The following FGF10 variants were observed in gnomAD, a reference collection of about 807,000 sequenced individuals.
FGF10 encodes FGF-10.
Under a neutral mutation model 19.8 loss-of-function variants are expected in FGF10, and 2 were observed. The observed-to-expected ratio is 0.10, with a 90% CI of 0.04 to 0.32. The LOEUF (loss-of-function observed/expected upper bound fraction) is 0.32, where lower values mean the gene tolerates loss of function less well. Among genes scored for constraint, FGF10 ranks in the 10% least tolerant of loss-of-function variants. FGF10 has a pLI of 1.00. For missense variants in FGF10, 191 were observed against 246.3 expected (o/e 0.78, Z 1.50); for synonymous variants, 112 against 94.0 (o/e 1.19, Z -1.10).
Position 44,379,890 on chromosome 5 carries a change from C to T in FGF10, c.325+8468G>A, listed in dbSNP as rs372590075. Among the ~76,000 whole-genome samples, 7 of 152,176 alleles carry T rather than the reference C, an allele frequency of 4.6e-5. No individual in the cohort carries two copies. The East Asian group carries it at 1.2e-3, about 25-fold the overall frequency. On this transcript the variant is annotated intron_variant, in intron 1 of 2. Transcript: ENST00000264664. The stretch of plus-strand genomic sequence containing the variant: ...GCCTCTTCTCTTTTTCTACTTTTCC[C>T]TCTGGCTTCTAAAAAATTTCATTAT...
intron 1 of FGF10, among the ~76,000 whole-genome samples, chr5:44,376,503 A>AAAAC (rs1741862474): frequency 1.5e-5 from 2 of 132,162 alleles, no homozygotes; most frequent in Non-Finnish European, 3.1e-5. Flanking sequence ...AAAAAAAAAA[A>AAAAC]AAAAAAAAAA....
chr5:44,305,285 C>A, intron 2 of FGF10, 93 bp from the exon 3 acceptor site: 2 of 1,144,126 alleles, frequency 1.7e-6, no homozygotes, highest in Non-Finnish European at 1.3e-6. Flanking sequence ...TCCAAGGATT[C>A]TGTTTGTAGT....
chr5:44,306,542 A>T (rs2111672667), intron 2 of FGF10, among the ~76,000 whole-genome samples: 1 of 152,346 alleles, frequency 6.6e-6, no homozygotes, highest in African/African-American at 2.4e-5. Flanking sequence ...CCGTGGGCAT[A>T]GTTCAGTTGA....
At chr5:44,319,635 A>G (rs1479248624) in intron 1 of FGF10, among the ~76,000 whole-genome samples, 2 of 152,176 alleles carry the variant, frequency 1.3e-5, no homozygotes, top group Non-Finnish European at 1.5e-5. Context: ...ATAGAATAAT[A>G]CATAATTGGC....
At chr5:44,378,794 G>T (rs1285471215) in intron 1 of FGF10, among the ~76,000 whole-genome samples, 1 of 152,084 alleles carries the variant, frequency 6.6e-6, no homozygotes, top group African/African-American at 2.4e-5. Flanking sequence ...CTCAATTCCA[G>T]CATTGTTAAT....
chr5:44,372,131 G>C (rs1468851316), intron 1 of FGF10, among the ~76,000 whole-genome samples: 1 of 152,080 alleles, frequency 6.6e-6, no homozygotes, highest in African/African-American at 2.4e-5. Flanking sequence ...GTTTCCCTCG[G>C]CTGAAATTAA....
At chr5:44,386,400 C>T (rs1742097785) in intron 1 of FGF10, among the ~76,000 whole-genome samples, 1 of 152,034 alleles carries the variant, frequency 6.6e-6, no homozygotes, top group Non-Finnish European at 1.5e-5. Context: ...TGAGTTTTCT[C>T]CATGAAAAAT....
chr5:44,308,111 C>A (rs1561196076), intron 2 of FGF10, among the ~76,000 whole-genome samples: 1 of 152,124 alleles, frequency 6.6e-6, no homozygotes, highest in Non-Finnish European at 1.5e-5. Context: ...CAGATAAGTG[C>A]CACTGCAGAT....
At chr5:44,375,107 G>A (rs1380667958) in intron 1 of FGF10, among the ~76,000 whole-genome samples, 2 of 152,128 alleles carry the variant, frequency 1.3e-5, no homozygotes, top group Non-Finnish European at 2.9e-5. Context: ...AGTTGACCAA[G>A]ATCATATGGT....
chr5:44,305,904 C>A (rs1740065583), intron 2 of FGF10, among the ~76,000 whole-genome samples: 2 of 152,128 alleles, frequency 1.3e-5, no homozygotes, highest in African/African-American at 4.8e-5. Context: ...TGGTGAATAG[C>A]AATGCCTACA....
intron 1 of FGF10, among the ~76,000 whole-genome samples, chr5:44,356,504 C>T (rs1741351139): frequency 6.6e-6 from 1 of 151,314 alleles, no homozygotes; most frequent in Admixed American, 6.6e-5. Flanking sequence ...ATCTTGTCTT[C>T]TTTGGAGAGT....
In FGF10 at chr5:44,349,447, T is replaced by TATATATCAGA. The variant is rs1554038127; in HGVS notation, c.325+38910_325+38911insTCTGATATAT. Among the ~76,000 whole-genome samples the TATATATCAGA allele has an allele frequency of 2.8e-3, 43 of 15,452 alleles. 3 individuals carry two copies. Among genetic ancestry groups the TATATATCAGA allele is most frequent in the Admixed American group, 0.011 (18 of 1,682 alleles). 10.1% of individuals were successfully genotyped at this position (15,452 alleles called of 152,430 possible). ...TTATATATATATATATATATATATA[T>TATATATCAGA]ATATATATATATATATATATATCAG... On this transcript the variant is annotated intron_variant, in intron 1 of 2. Transcript: ENST00000264664.
At chr5:44,348,443 G>A (rs1256185582) in intron 1 of FGF10, among the ~76,000 whole-genome samples, 1 of 151,410 alleles carries the variant, frequency 6.6e-6, no homozygotes. Context: ...CACTTAACAT[G>A]GGATCTGGAT....
At chr5:44,387,500 G>T (rs1049933273) in intron 1 of FGF10, among the ~76,000 whole-genome samples, 2 of 152,186 alleles carry the variant, frequency 1.3e-5, no homozygotes, top group Non-Finnish European at 2.9e-5. Flanking sequence ...TGAAATTTGT[G>T]TGAGGTCTGT....
At chr5:44,308,366 C>T (rs1740132317) in intron 2 of FGF10, among the ~76,000 whole-genome samples, 1 of 152,050 alleles carries the variant, frequency 6.6e-6, no homozygotes, top group Middle Eastern at 3.2e-3. Flanking sequence ...TATTTAAAAT[C>T]TTTTATATTC....
At chr5:44,350,644 T>C (rs77968170) in intron 1 of FGF10, among the ~76,000 whole-genome samples, 3,246 of 151,226 alleles carry the variant, frequency 0.021, 74 homozygotes, top group African/African-American at 0.057. Flanking sequence ...TTATATATTA[T>C]TGCTGTGTAT....
intron 1 of FGF10, among the ~76,000 whole-genome samples, chr5:44,380,810 G>C (rs1027301660): frequency 2.6e-5 from 4 of 152,174 alleles, no homozygotes; most frequent in Admixed American, 2.0e-4. Flanking sequence ...GTGAGACCCT[G>C]TCTCTACAAA....
chr5:44,386,457 G>T (rs974180076), intron 1 of FGF10, among the ~76,000 whole-genome samples: 3 of 152,058 alleles, frequency 2.0e-5, no homozygotes, highest in African/African-American at 7.2e-5. Flanking sequence ...TTAATTCCCA[G>T]CTCACTCTGT....
At chr5:44,377,546 A>G (rs1741893473) in intron 1 of FGF10, among the ~76,000 whole-genome samples, 1 of 152,080 alleles carries the variant, frequency 6.6e-6, no homozygotes, top group African/African-American at 2.4e-5. Context: ...ACGGTTACCT[A>G]TTTCGCTATT....
Sources: gnomAD v4.1 joint callset for allele counts (sites outside exome capture counted in the v4.1 genomes callset) on GRCh38, gnomAD v4.1.1 for gene constraint, MANE v1.5 for transcripts, NCBI Gene and HGNC (gene_info 2026-07-23, HGNC 2026-07-21) for gene names.